Variants in PTPRO observed in about 807,000 individuals in gnomAD.
PTPRO encodes the protein protein tyrosine phosphatase receptor type O.
PTPRO carries 62 observed loss-of-function variants against 145.2 expected under a neutral mutation model. The ratio of observed to expected loss-of-function variants is 0.43; its 90% CI spans 0.35 to 0.53. PTPRO has a LOEUF of 0.53. Among genes scored for constraint, PTPRO ranks in the 20% least tolerant of loss-of-function variants. PTPRO has a pLI of 0.01. For missense variants in PTPRO, 1,345 were observed against 1,482.7 expected (o/e 0.91, Z 1.53); for synonymous variants, 565 against 514.7 (o/e 1.10, Z -1.32).
Position 15,501,736 on chromosome 12 carries a change from G to C in PTPRO, c.778G>C (p.Gly260Arg). ...ESFMRSQDTI[G>R]KEKLFHFTEE... Reference sequence around the variant, plus strand: ...CTTCATGAGATCACAAGATACAATAGGAAAAGAAAAACTCTTCCATTTTAC... The same window carrying C: ...CTTCATGAGATCACAAGATACAATACGAAAAGAAAAACTCTTCCATTTTAC... The change falls in exon 5 of 27, where the codon GGA becomes CGA. Residue 260 changes from glycine (G) to arginine (R), a missense_variant. Around this residue, in one of 3 missense-constraint regions of PTPRO, gnomAD observed 1,130 missense variants for 1,214.7 expected, o/e 0.93. Coordinates refer to ENST00000281171, the MANE Select transcript of PTPRO (RefSeq NM_030667.3). 1.2e-6 allele frequency: 2 copies of C among 1,613,920 alleles called. No homozygotes were observed. The highest frequency in any genetic ancestry group is 2.2e-5 in the South Asian group (2 of 91,074).
intron 11 of PTPRO, among the ~76,000 whole-genome samples, chr12:15,525,339 A>G (rs1467023662): frequency 1.3e-5 from 2 of 152,308 alleles, no homozygotes; most frequent in East Asian, 3.9e-4. Flanking sequence ...TTTCTCCAAA[A>G]TACGCTTTTG....
chr12:15,361,025 G>T (rs1938189790), intron 1 of PTPRO, among the ~76,000 whole-genome samples: 1 of 148,058 alleles, frequency 6.8e-6, no homozygotes, highest in African/African-American at 2.5e-5. Context: ...AAACATATAG[G>T]TATATGTTTA....
At chr12:15,453,625 A>C (rs534459421) in intron 1 of PTPRO, among the ~76,000 whole-genome samples, 11 of 152,216 alleles carry the variant, frequency 7.2e-5, no homozygotes, top group Non-Finnish European at 1.3e-4. Flanking sequence ...TTAAAAAGTT[A>C]AGTGTATATT....
At chr12:15,482,362 C>G (rs1000290318) in intron 1 of PTPRO, among the ~76,000 whole-genome samples, 3 of 152,020 alleles carry the variant, frequency 2.0e-5, no homozygotes, top group Admixed American at 6.6e-5. Context: ...GATGTCGTTA[C>G]TAGAGCCAAG....
intron 2 of PTPRO, among the ~76,000 whole-genome samples, chr12:15,496,203 C>T (rs116657302): frequency 0.026 from 3,164 of 121,000 alleles, 129 homozygotes; most frequent in African/African-American, 0.09. Flanking sequence ...GGTGCAATGG[C>T]GGGATCTCTG....
At chr12:15,537,989 T>C (rs1943099739) in intron 12 of PTPRO, among the ~76,000 whole-genome samples, 1 of 152,168 alleles carries the variant, frequency 6.6e-6, no homozygotes, top group African/African-American at 2.4e-5. Flanking sequence ...ATGCATGTTC[T>C]TTAGGTTTGC....
intron 1 of PTPRO, among the ~76,000 whole-genome samples, chr12:15,330,192 G>A (rs933147895): frequency 6.6e-5 from 10 of 152,318 alleles, no homozygotes; most frequent in Middle Eastern, 3.4e-3. Context: ...GAGCCAGCCT[G>A]GAAGAATTAA....
intron 1 of PTPRO, among the ~76,000 whole-genome samples, chr12:15,336,180 G>C (rs1866755910): frequency 6.6e-6 from 1 of 151,410 alleles, no homozygotes; most frequent in Admixed American, 6.6e-5. Context: ...ACCATCTGGA[G>C]ACATATCTTT....
intron 1 of PTPRO, among the ~76,000 whole-genome samples, chr12:15,441,040 C>T (rs956932924): frequency 1.3e-5 from 2 of 152,174 alleles, no homozygotes; most frequent in African/African-American, 4.8e-5. Flanking sequence ...AAACACTCAA[C>T]CCACAAACCA....
At chr12:15,449,870 G>A (rs1173783636) in intron 1 of PTPRO, among the ~76,000 whole-genome samples, 1 of 152,052 alleles carries the variant, frequency 6.6e-6, no homozygotes, top group Non-Finnish European at 1.5e-5. Flanking sequence ...AAATAAAATG[G>A]TTCTGCCCCT....
chr12:15,549,520 C>T (rs896518829), intron 14 of PTPRO, among the ~76,000 whole-genome samples: 3 of 151,956 alleles, frequency 2.0e-5, no homozygotes, highest in African/African-American at 7.3e-5. Flanking sequence ...TAGTTGCTAA[C>T]TCATCTCATC....
chr12:15,452,263 G>A (rs1941066191), intron 1 of PTPRO, among the ~76,000 whole-genome samples: 1 of 152,078 alleles, frequency 6.6e-6, no homozygotes, highest in African/African-American at 2.4e-5. Context: ...ATAAATTCCT[G>A]GAAATATACA....
At position 15,515,987 on chromosome 12, in the gene PTPRO, G is replaced by GTTTTTTTT. The variant is rs1387922121; in HGVS notation, c.1585+373_1585+374insTTTTTTTT. 6.2e-5 allele frequency among the ~76,000 whole-genome samples: 5 copies of GTTTTTTTT among 80,662 alleles called. 1 individual carries two copies. The highest frequency in any genetic ancestry group is 4.0e-4 in the South Asian group (1 of 2,482). The allele number at this position is 80,662 out of a possible 152,430, so 52.9% of individuals were successfully genotyped here. A position where few individuals can be genotyped will look rare whatever the true frequency, so the allele number is the denominator to read the frequency against. The stretch of plus-strand genomic sequence containing the variant: ...GTTTTGTTTGTCTGGTTTTTTTTTT[G>GTTTTTTTT]TTTTGTTTTTTTTTTTTTTTGGAGA... On this transcript the variant is annotated intron_variant, in intron 8 of 26. Transcript: ENST00000281171.
chr12:15,466,078 C>CTGAG (rs1462107478), intron 1 of PTPRO, among the ~76,000 whole-genome samples: 3 of 152,104 alleles, frequency 2.0e-5, no homozygotes, highest in Non-Finnish European at 4.4e-5. Flanking sequence ...GATGAGAGAA[C>CTGAG]TGAGTCTCAG....
intron 2 of PTPRO, among the ~76,000 whole-genome samples, chr12:15,488,531 G>A (rs1941937418): frequency 6.6e-6 from 1 of 152,126 alleles, no homozygotes. Context: ...TTTTAAACAA[G>A]TTTGGAAAAC....
At chr12:15,389,567 A>G (rs1317683536) in intron 1 of PTPRO, among the ~76,000 whole-genome samples, 1 of 152,180 alleles carries the variant, frequency 6.6e-6, no homozygotes, top group Non-Finnish European at 1.5e-5. Context: ...TGTTCCCCAC[A>G]TATTGCTGTC....
chr12:15,365,993 A>G (rs954403020), intron 1 of PTPRO, among the ~76,000 whole-genome samples: 6 of 152,242 alleles, frequency 3.9e-5, no homozygotes, highest in Admixed American at 6.5e-5. Context: ...CAGAGTGTAG[A>G]ATATCACAAT....
chr12:15,428,220 T>A (rs1285343233), intron 1 of PTPRO, among the ~76,000 whole-genome samples: 4 of 152,168 alleles, frequency 2.6e-5, no homozygotes, highest in Non-Finnish European at 5.9e-5. Context: ...ACAGCATCAC[T>A]GTTTTCAGAA....
At chr12:15,425,792 C>T (rs1200647709) in intron 1 of PTPRO, among the ~76,000 whole-genome samples, 2 of 151,974 alleles carry the variant, frequency 1.3e-5, no homozygotes, top group Non-Finnish European at 2.9e-5. Context: ...CATTCCTTCA[C>T]TAATACCATA....
Sources: gnomAD v4.1 joint callset for allele counts (sites outside exome capture counted in the v4.1 genomes callset) on GRCh38, gnomAD v4.1.1 for gene constraint, gnomAD v4.1.1 regional missense constraint, MANE v1.5 for transcripts, NCBI Gene and HGNC (gene_info 2026-07-23, HGNC 2026-07-21) for gene names.